Variants in NALF1 observed in about 807,000 individuals in gnomAD.
NALF1 encodes NALCN channel auxiliary factor 1.
Under a neutral mutation model 48.4 loss-of-function variants are expected in NALF1, and 3 were observed. The ratio of observed to expected loss-of-function variants is 0.06; its 90% CI spans 0.03 to 0.16. The LOEUF (loss-of-function observed/expected upper bound fraction) is 0.16. Among genes scored for constraint, NALF1 ranks in the 10% least tolerant of loss-of-function variants. The probability of loss-of-function intolerance (pLI) is 1.00; values close to 1 mark genes in which losing one functional copy is unlikely to be tolerated. For missense variants in NALF1, 526 were observed against 571.5 expected (o/e 0.92, Z 0.81); for synonymous variants, 262 against 245.7 (o/e 1.07, Z -0.62).
At chr13:107,710,581 C>T (rs1594219600) in intron 1 of NALF1, among the ~76,000 whole-genome samples, 2 of 152,008 alleles carry the variant, frequency 1.3e-5, no homozygotes, top group Admixed American at 6.6e-5. Context: ...CAGGTGGCAT[C>T]AGGAGAGAGA....
chr13:107,604,314 C>T (rs981667764), intron 1 of NALF1, among the ~76,000 whole-genome samples: 4 of 151,960 alleles, frequency 2.6e-5, no homozygotes, highest in African/African-American at 9.7e-5. Flanking sequence ...ATTATTTTGT[C>T]TTTTTTTTAA....
intron 1 of NALF1, among the ~76,000 whole-genome samples, chr13:107,256,818 T>C (rs1232836418): frequency 1.3e-5 from 2 of 152,178 alleles, no homozygotes; most frequent in African/African-American, 2.4e-5. Flanking sequence ...GAATTAACCA[T>C]AAAGATTATT....
At chr13:107,171,714 T>C (rs546413073) in intron 2 of NALF1, among the ~76,000 whole-genome samples, 26 of 152,346 alleles carry the variant, frequency 1.7e-4, no homozygotes, top group African/African-American at 6.0e-4. Flanking sequence ...CTGTATTACA[T>C]AGAATATTTT....
At chr13:107,235,209 G>T (rs1056328320) in intron 1 of NALF1, among the ~76,000 whole-genome samples, 1 of 152,136 alleles carries the variant, frequency 6.6e-6, no homozygotes, top group Non-Finnish European at 1.5e-5. Context: ...TGATCAGAAT[G>T]CACTGTCTTC....
At chr13:107,621,050 T>C (rs1336423105) in intron 1 of NALF1, among the ~76,000 whole-genome samples, 1 of 152,096 alleles carries the variant, frequency 6.6e-6, no homozygotes, top group East Asian at 1.9e-4. Context: ...CAAATCTTCA[T>C]ATTGTTCATG....
chr13:107,277,998 A>G (rs1434185002), intron 1 of NALF1, among the ~76,000 whole-genome samples: 1 of 152,168 alleles, frequency 6.6e-6, no homozygotes. Flanking sequence ...AGAAAAAAAT[A>G]CTCGTCAGAA....
rs117274221 is a variant in NALF1, at chr13:107,680,653, A to T, written c.915+185029T>A. 4.0e-5 allele frequency among the ~76,000 whole-genome samples: 6 copies of T among 151,460 alleles called. No individual in the cohort carries two copies. In the East Asian group the frequency reaches 7.8e-4, roughly 20 times the overall value. On this transcript the variant is annotated intron_variant, in intron 1 of 2. Coordinates refer to ENST00000375915, the MANE Select transcript of NALF1 (RefSeq NM_001080396.3). ...GTGAGAGTGTGAAAGTGTGCATATG[A>T]GTGTGTATGTGTAAGGATGCAAATG...
chr13:107,541,788 T>C (rs1566385592), intron 1 of NALF1, among the ~76,000 whole-genome samples: 2 of 152,162 alleles, frequency 1.3e-5, no homozygotes, highest in East Asian at 1.9e-4. Context: ...GCTATACTTA[T>C]TGATTGAACC....
At chr13:107,506,129 T>G (rs1875689636) in intron 1 of NALF1, among the ~76,000 whole-genome samples, 1 of 152,132 alleles carries the variant, frequency 6.6e-6, no homozygotes, top group Non-Finnish European at 1.5e-5. Flanking sequence ...GTAAAATACC[T>G]TATCACTCAA....
In NALF1 at chr13:107,308,263, G is replaced by A. The variant is rs181498562; in HGVS notation, c.916-97508C>T. Among the ~76,000 whole-genome samples, 391 of 144,842 alleles carry A rather than the reference G, an allele frequency of 2.7e-3. 1 individual carries two copies. The highest frequency in any genetic ancestry group is 9.2e-3 in the African/African-American group (359 of 38,972). ...GTCGCCCAGGCTGGAGTCCAGTGGC[G>A]TGACCTCGGCTCACTGCAAGCTCCG... On this transcript the variant is annotated intron_variant, in intron 1 of 2. Coordinates refer to ENST00000375915, the MANE Select transcript of NALF1 (RefSeq NM_001080396.3).
chr13:107,179,306 A>C (rs1030547412), intron 2 of NALF1, among the ~76,000 whole-genome samples: 1 of 152,206 alleles, frequency 6.6e-6, no homozygotes, highest in Non-Finnish European at 1.5e-5. Context: ...GTGAGACCTA[A>C]AAAATTAAAA....
chr13:107,330,383 T>G (rs1382247586), intron 1 of NALF1, among the ~76,000 whole-genome samples: 2 of 152,234 alleles, frequency 1.3e-5, no homozygotes, highest in Non-Finnish European at 2.9e-5. Flanking sequence ...ACGGAATATT[T>G]AAATTTCGAT....
chr13:107,212,246 A>G (rs562023766), intron 1 of NALF1, among the ~76,000 whole-genome samples: 2 of 152,338 alleles, frequency 1.3e-5, no homozygotes, highest in African/African-American at 4.8e-5. Context: ...ATAAATATCA[A>G]AGTGAGATAC....
rs532926813 is a variant in NALF1 at position 107,569,394 on chromosome 13, C to T, written c.915+296288G>A. ...CGCTGAGGCAGGAGAATGACGTGAACCCGGGGGGCGGAGCTTGCAGTGAGC... is the reference window on the plus strand; with the variant it reads ...CGCTGAGGCAGGAGAATGACGTGAATCCGGGGGGCGGAGCTTGCAGTGAGC... On this transcript the variant is annotated intron_variant, in intron 1 of 2. Coordinates refer to ENST00000375915, the MANE Select transcript of NALF1 (RefSeq NM_001080396.3). Among the ~76,000 whole-genome samples, 115 of 152,142 alleles carry T rather than the reference C, an allele frequency of 7.6e-4. 2 individuals are homozygous for T. In the Middle Eastern group the frequency reaches 0.017, roughly 22 times the overall value.
intron 1 of NALF1, among the ~76,000 whole-genome samples, chr13:107,635,784 C>T (rs1879960459): frequency 6.6e-6 from 1 of 152,046 alleles, no homozygotes; most frequent in African/African-American, 2.4e-5. Context: ...CAGTTATTAG[C>T]AATAGTTCCT....
intron 1 of NALF1, among the ~76,000 whole-genome samples, chr13:107,726,930 T>TGTGTGTGC (rs1390856594): frequency 6.0e-5 from 9 of 150,528 alleles, no homozygotes; most frequent in African/African-American, 2.2e-4. Context: ...TGTGTGTGTG[T>TGTGTGTGC]GTGTGTGTGT....
intron 1 of NALF1, among the ~76,000 whole-genome samples, chr13:107,795,954 A>G (rs1310316357): frequency 6.6e-6 from 1 of 152,158 alleles, no homozygotes; most frequent in African/African-American, 2.4e-5. Flanking sequence ...GAGAAAAATC[A>G]CCTATCACAG....
chr13:107,824,016 C>G (rs543293156), intron 1 of NALF1, among the ~76,000 whole-genome samples: 1 of 142,484 alleles, frequency 7.0e-6, no homozygotes. Context: ...TGGTCCCCAT[C>G]ATTCCTTAAA....
At chr13:107,343,447 T>G (rs943032743) in intron 1 of NALF1, among the ~76,000 whole-genome samples, 3 of 152,154 alleles carry the variant, frequency 2.0e-5, no homozygotes, top group Admixed American at 6.5e-5. Context: ...TCTCACAAGA[T>G]CTGATGGTTT....
Sources: gnomAD v4.1 joint callset for allele counts (sites outside exome capture counted in the v4.1 genomes callset) on GRCh38, gnomAD v4.1.1 for gene constraint, MANE v1.5 for transcripts, NCBI Gene and HGNC (gene_info 2026-07-23, HGNC 2026-07-21) for gene names.